The following NT5DC3 variants were observed in gnomAD, a reference collection of about 807,000 sequenced individuals.
NT5DC3 encodes the protein 5'-nucleotidase domain-containing protein 3.
Under a neutral mutation model 67.8 loss-of-function variants are expected in NT5DC3, and 42 were observed. The observed-to-expected ratio is 0.62, with a 90% confidence interval of 0.48 to 0.80. The LOEUF (loss-of-function observed/expected upper bound fraction) is 0.80, where lower values mean the gene tolerates loss of function less well. Ranked by LOEUF, NT5DC3 falls within the 30% of genes least tolerant of loss-of-function variation. The pLI is 0.00. For synonymous variants in NT5DC3, 237 were observed against 255.6 expected, an observed-to-expected ratio of 0.93 and a Z score of 0.69; for missense variants, 570 against 696.4, an observed-to-expected ratio of 0.82 and a Z score of 2.04.
Position 103,787,514 on chromosome 12 carries a change from T to C in NT5DC3, c.1115A>G (p.Glu372Gly). 1 of 1,589,424 alleles carries C rather than the reference T, an allele frequency of 6.3e-7. No homozygotes were observed. Among genetic ancestry groups the C allele is most frequent in the Non-Finnish European group, 8.6e-7 (1 of 1,162,086 alleles). The change falls in exon 11 of 14, where the codon GAA (glutamate) becomes GGA (glycine). Residue 372 changes from glutamate (E) to glycine (G), a missense_variant. Glu to Gly is a moderately conservative substitution (Grantham distance 98). Transcript: ENST00000392876. ...GQIYKQGNLY[E>G]FLKLTGWRGS... ...TCTCCATCCAGTAAGCTTCAAAAAT[T>C]CATATAAATTACCCTGTAATCAGAG...
At chr12:103,767,010 G>A (rs1443533120), downstream of NT5DC3, 1 of 152,266 alleles carries the variant, frequency 6.6e-6, no homozygotes, top group Non-Finnish European at 1.5e-5. Flanking sequence ...AGCCACTGTA[G>A]AAAACAGTTT....
chr12:103,754,498 A>G, the NT5DC3 span, among the ~76,000 whole-genome samples: 1 of 152,146 alleles, frequency 6.6e-6, no homozygotes, highest in Non-Finnish European at 1.5e-5. Flanking sequence ...TTGACACATG[A>G]AAAACTCTTG....
the NT5DC3 span, among the ~76,000 whole-genome samples, chr12:103,756,367 T>C: frequency 1.3e-5 from 2 of 152,334 alleles, no homozygotes; most frequent in Admixed American, 6.5e-5. Flanking sequence ...TAAGAGGACA[T>C]TTCATTCAAG....
At chr12:103,770,598 C>A (rs1029722680), downstream of NT5DC3, 1 of 152,132 alleles carries the variant, frequency 6.6e-6, no homozygotes, top group African/African-American at 2.4e-5. Flanking sequence ...CCAAACCCAA[C>A]TAATGTGGTT....
At chr12:103,833,773 C>T (rs1888030623) in intron 1 of NT5DC3, among the ~76,000 whole-genome samples, 1 of 151,402 alleles carries the variant, frequency 6.6e-6, no homozygotes, top group South Asian at 2.1e-4. Context: ...AGCAACCCGT[C>T]TTGGAGGAGT....
chr12:103,839,406 G>A (rs561002051), intron 1 of NT5DC3, among the ~76,000 whole-genome samples: 48 of 152,192 alleles, frequency 3.2e-4, no homozygotes, highest in African/African-American at 9.9e-4. Context: ...GAGCCACGAC[G>A]CCTGCCTAAA....
the NT5DC3 span, among the ~76,000 whole-genome samples, chr12:103,761,702 T>A: frequency 6.6e-6 from 1 of 152,158 alleles, no homozygotes; most frequent in Non-Finnish European, 1.5e-5. Flanking sequence ...AATCCTAAGC[T>A]ATGGTTTGGC....
chr12:103,785,751 T>TA (rs201632707), intron 11 of NT5DC3: 12,995 of 363,748 alleles, frequency 0.036, 782 homozygotes, highest in African/African-American at 0.13. Flanking sequence ...CCATGGTCTG[T>TA]AAAAAAAAAA....
intron 4 of NT5DC3, among the ~76,000 whole-genome samples, chr12:103,799,804 C>CAAAAAAAAAAAAAAAAAA (rs72379630): frequency 3.0e-5 from 4 of 131,494 alleles, no homozygotes; most frequent in East Asian, 2.6e-4. Flanking sequence ...CTCCACATAC[C>CAAAAAAAAAAAAAAAAAA]AAAAAAAAAA....
the NT5DC3 span, among the ~76,000 whole-genome samples, chr12:103,753,836 C>T: frequency 4.6e-5 from 7 of 152,108 alleles, no homozygotes; most frequent in Admixed American, 2.0e-4. Context: ...TGGATCTCCC[C>T]GAACCCACAA....
At chr12:103,761,850 A>C in the NT5DC3 span, among the ~76,000 whole-genome samples, 3 of 152,164 alleles carry the variant, frequency 2.0e-5, no homozygotes, top group Admixed American at 6.5e-5. Flanking sequence ...CACACAGTAC[A>C]TGCTATATAA....
the NT5DC3 span, chr12:103,749,277 A>G: frequency 8.8e-7 from 1 of 1,139,582 alleles, no homozygotes; most frequent in Non-Finnish European, 1.2e-6. Flanking sequence ...TTTCTAGCAC[A>G]GTCTGTTTCT....
chr12:103,838,887 C>G (rs2374286), intron 1 of NT5DC3, among the ~76,000 whole-genome samples: 8 of 152,096 alleles, frequency 5.3e-5, no homozygotes, highest in African/African-American at 9.7e-5. Context: ...CTCCATCAGC[C>G]TAACATTTTT....
Position 103,775,241 on chromosome 12 carries a change from A to G in NT5DC3, c.*2588T>C, listed in dbSNP as rs1257067351. On this transcript the variant is annotated 3_prime_UTR_variant, in exon 14 of 14. Transcript: ENST00000392876. ...CACATGGGAGATCTCAACACTGCCA[A>G]GCTCAATGGCCCAGAGACTGAAATT... The G allele has an allele frequency of 6.6e-6, 1 of 152,254 alleles. No homozygotes were observed. Among genetic ancestry groups the G allele is most frequent in the African/African-American group, 2.4e-5 (1 of 41,458 alleles). 9.4% of individuals were successfully genotyped at this position (152,254 alleles called of 1,614,324 possible).
intron 1 of NT5DC3, among the ~76,000 whole-genome samples, chr12:103,817,082 C>A (rs940024508): frequency 6.8e-6 from 1 of 146,092 alleles, no homozygotes. Context: ...AGACATCTCA[C>A]AGTTATCAGA....
chr12:103,780,962 T>G (rs1885524534), intron 12 of NT5DC3, among the ~76,000 whole-genome samples: 1 of 149,378 alleles, frequency 6.7e-6, no homozygotes, highest in Non-Finnish European at 1.5e-5. Context: ...TTATATTAAG[T>G]GTTTAATTTA....
intron 4 of NT5DC3, among the ~76,000 whole-genome samples, chr12:103,801,719 G>A (rs1886593663): frequency 6.6e-6 from 1 of 152,028 alleles, no homozygotes; most frequent in Non-Finnish European, 1.5e-5. Context: ...ACACATTAGG[G>A]CAGAGAAAGG....
chr12:103,815,791 T>A (rs1473115008), intron 1 of NT5DC3, among the ~76,000 whole-genome samples: 3 of 152,196 alleles, frequency 2.0e-5, no homozygotes, highest in Non-Finnish European at 4.4e-5. Context: ...GGGTGAATTG[T>A]ATGGTATATA....
chr12:103,780,737 T>C (rs1181242321), intron 12 of NT5DC3, among the ~76,000 whole-genome samples: 7 of 152,234 alleles, frequency 4.6e-5, no homozygotes, highest in Admixed American at 1.3e-4. Flanking sequence ...ATTATATACA[T>C]GTGTACAAAC....
Sources: gnomAD v4.1 joint callset for allele counts (sites outside exome capture counted in the v4.1 genomes callset) on GRCh38, gnomAD v4.1.1 for gene constraint, MANE v1.5 for transcripts, NCBI Gene and HGNC (gene_info 2026-07-23, HGNC 2026-07-21) for gene names.